The following TYR variants were observed in gnomAD, a reference collection of about 807,000 sequenced individuals.
TYR encodes the protein tyrosinase.
A neutral mutation model predicts 51.5 loss-of-function variants in TYR; 58 were observed. That is an observed-to-expected ratio of 1.13 (90% CI 0.91 to 1.40). The LOEUF is 1.40. Among genes scored for constraint, TYR ranks in the 40% most tolerant of loss-of-function variants. The pLI is 0.00. For synonymous variants in TYR, 263 were observed against 235.2 expected (o/e 1.12, Z -1.08); for missense variants, 732 against 647.4 (o/e 1.13, Z -1.42).
chr11:89,201,530 C>T (rs1943598837), intron 2 of TYR, among the ~76,000 whole-genome samples: 1 of 152,172 alleles, frequency 6.6e-6, no homozygotes, highest in Non-Finnish European at 1.5e-5. Flanking sequence ...AATTGTTTTG[C>T]TTCATTATGG....
intron 2 of TYR, among the ~76,000 whole-genome samples, chr11:89,193,430 T>A (rs1046348325): frequency 1.5e-4 from 23 of 152,140 alleles, no homozygotes; most frequent in Non-Finnish European, 2.4e-4. Context: ...TTACTACAAA[T>A]AATTTGCTAC....
At chr11:89,196,548 A>G (rs993938896) in intron 2 of TYR, among the ~76,000 whole-genome samples, 1 of 152,188 alleles carries the variant, frequency 6.6e-6, no homozygotes, top group Non-Finnish European at 1.5e-5. Flanking sequence ...ATCAATAAAT[A>G]AAAGAAAACT....
At chr11:89,197,309 A>G (rs1943533562) in intron 2 of TYR, among the ~76,000 whole-genome samples, 1 of 152,138 alleles carries the variant, frequency 6.6e-6, no homozygotes. Flanking sequence ...AAAAAAACAC[A>G]TTATAGGCCT....
At chr11:89,189,795 C>A (rs891998667) in intron 1 of TYR, among the ~76,000 whole-genome samples, 2 of 152,130 alleles carry the variant, frequency 1.3e-5, no homozygotes, top group African/African-American at 4.8e-5. Context: ...AGATGCAACA[C>A]TAGAATCCTG....
intron 2 of TYR, among the ~76,000 whole-genome samples, chr11:89,219,980 T>C (rs1943885987): frequency 6.6e-6 from 1 of 152,196 alleles, no homozygotes; most frequent in Non-Finnish European, 1.5e-5. Context: ...TTTTAAATTT[T>C]ATTGCAACTA....
intron 3 of TYR, among the ~76,000 whole-genome samples, chr11:89,245,320 C>G (rs565897195): frequency 6.6e-6 from 1 of 152,214 alleles, no homozygotes; most frequent in South Asian, 2.1e-4. Flanking sequence ...CATGAATTGA[C>G]TCATTCAATC....
At chr11:89,287,422 T>C (rs9919559) in intron 4 of TYR, among the ~76,000 whole-genome samples, 67,238 of 151,730 alleles carry the variant, frequency 0.44, 16,339 homozygotes, top group African/African-American at 0.66. Flanking sequence ...ATTCTTTACA[T>C]ACACATTTAT....
At chr11:89,238,066 C>A (rs1326412089) in intron 3 of TYR, among the ~76,000 whole-genome samples, 1 of 151,982 alleles carries the variant, frequency 6.6e-6, no homozygotes, top group Non-Finnish European at 1.5e-5. Context: ...GAACTCCTGA[C>A]CTCAAGTGAT....
chr11:89,253,260 A>G (rs1944350722), intron 3 of TYR, among the ~76,000 whole-genome samples: 1 of 151,782 alleles, frequency 6.6e-6, no homozygotes, highest in Non-Finnish European at 1.5e-5. Flanking sequence ...TGCCAACTAC[A>G]AATGTTAACT....
chr11:89,262,200 A>G (rs1459775549), intron 3 of TYR, among the ~76,000 whole-genome samples: 1 of 151,982 alleles, frequency 6.6e-6, no homozygotes, highest in African/African-American at 2.4e-5. Flanking sequence ...CTAGGATTAC[A>G]GGCACCTGCC....
chr11:89,224,048 A>G (rs2135279055), intron 2 of TYR, among the ~76,000 whole-genome samples: 1 of 152,168 alleles, frequency 6.6e-6, no homozygotes, highest in East Asian at 1.9e-4. Context: ...TAAGACACCT[A>G]AGAACACCTG....
rs534112360 is a variant in TYR, at chr11:89,260,201, C to T, written c.1185-24572C>T. On this transcript the variant is annotated intron_variant, in intron 3 of 4. Coordinates refer to ENST00000263321, the MANE Select transcript of TYR (RefSeq NM_000372.5). ...GACAGTTTTATTACCTTAGACAAGT[C>T]CCTGAACTTCTACTTCCATTGAGAG... 2.6e-5 allele frequency among the ~76,000 whole-genome samples: 4 copies of T among 151,626 alleles called. No homozygotes were observed. In the South Asian group the frequency reaches 8.3e-4, roughly 32 times the overall value.
chr11:89,280,164 A>C (rs192652652), intron 3 of TYR, among the ~76,000 whole-genome samples: 5 of 151,740 alleles, frequency 3.3e-5, no homozygotes, highest in Admixed American at 6.6e-5. Context: ...AAAGATGCTC[A>C]ACATTCATCT....
chr11:89,195,806 A>C (rs183340997), intron 2 of TYR, among the ~76,000 whole-genome samples: 174 of 152,348 alleles, frequency 1.1e-3, no homozygotes, highest in African/African-American at 4.1e-3. Flanking sequence ...CAGTTGTCAC[A>C]TTAAAACAGA....
intron 3 of TYR, among the ~76,000 whole-genome samples, chr11:89,282,452 A>G (rs1944730721): frequency 6.6e-6 from 1 of 151,818 alleles, no homozygotes; most frequent in Non-Finnish European, 1.5e-5. Flanking sequence ...CTTTTTTGGT[A>G]AAATACAGGT....
intron 2 of TYR, among the ~76,000 whole-genome samples, chr11:89,222,845 C>G (rs1430426311): frequency 4.6e-5 from 7 of 152,156 alleles, no homozygotes; most frequent in Non-Finnish European, 8.8e-5. Context: ...TGGGGGAACT[C>G]TTACTGCCTT....
At chr11:89,202,292 G>C (rs1399937000) in intron 2 of TYR, among the ~76,000 whole-genome samples, 1 of 151,898 alleles carries the variant, frequency 6.6e-6, no homozygotes, top group African/African-American at 2.4e-5. Flanking sequence ...CAGTGGATTG[G>C]GTGCATCCTG....
chr11:89,260,925 C>T (rs1439982345), intron 3 of TYR, among the ~76,000 whole-genome samples: 4 of 152,066 alleles, frequency 2.6e-5, no homozygotes, highest in African/African-American at 9.7e-5. Flanking sequence ...GCTCTGCCTC[C>T]TGTCAGCTAA....
chr11:89,254,456 C>A (rs1261475554), intron 3 of TYR, among the ~76,000 whole-genome samples: 4 of 151,390 alleles, frequency 2.6e-5, no homozygotes, highest in African/African-American at 4.8e-5. Context: ...GGTCCAGGAC[C>A]TTTTTTGTTG....
Sources: allele counts gnomAD v4.1 joint callset (sites outside exome capture counted in the v4.1 genomes callset), GRCh38; gene constraint gnomAD v4.1.1; transcripts MANE v1.5; gene names NCBI Gene and HGNC (gene_info 2026-07-23, HGNC 2026-07-21).